The following IL1RAPL2 variants were observed in gnomAD, a reference collection of about 807,000 sequenced individuals.
The protein encoded by IL1RAPL2 is X-linked interleukin-1 receptor accessory protein-like 2.
In IL1RAPL2, 3 loss-of-function variants were observed where a neutral mutation model predicts 44.1. The ratio of observed to expected loss-of-function variants is 0.07; its 90% CI spans 0.03 to 0.18. The LOEUF is 0.18. IL1RAPL2 is among the 10% of genes least tolerant of loss of function. The pLI is 1.00. For missense variants in IL1RAPL2, 391 were observed against 496.4 expected, an observed-to-expected ratio of 0.79 and a Z score of 2.02; for synonymous variants, 181 against 178.8, an observed-to-expected ratio of 1.01 and a Z score of -0.10.
chrX:104,991,448 A>T (rs907903811), intron 2 of IL1RAPL2, among the ~76,000 whole-genome samples: 4 of 111,465 alleles, frequency 3.6e-5, no homozygotes, highest in African/African-American at 1.3e-4. Flanking sequence ...AGGGGCCAGA[A>T]AGCCTTTCAA....
intron 1 of IL1RAPL2, among the ~76,000 whole-genome samples, chrX:104,636,143 G>T (rs1350695140): frequency 1.8e-5 from 2 of 111,968 alleles, no homozygotes; most frequent in African/African-American, 6.5e-5. Flanking sequence ...CAGCAGCGGA[G>T]GCTGCAGAAC....
chrX:105,647,338 C>T (rs1278789842), intron 6 of IL1RAPL2, among the ~76,000 whole-genome samples: 1 of 111,809 alleles, frequency 8.9e-6, no homozygotes, highest in African/African-American at 3.3e-5. Context: ...AGAGTGGAAA[C>T]AGAGCTCCCA....
chrX:104,962,703 G>T (rs1479543240), intron 2 of IL1RAPL2, among the ~76,000 whole-genome samples: 2 of 112,151 alleles, frequency 1.8e-5, no homozygotes, highest in Non-Finnish European at 3.8e-5. Context: ...CAACACCTCA[G>T]TGTAGGGACA....
chrX:105,564,000 A>C lies in IL1RAPL2; in HGVS notation c.772+79613A>C, dbSNP rs766884993. ...AATAAACAACAGAAATTTCTTTCTT[A>C]TAGTTCTAGAGGCTGGGAAGTCCAA... On this transcript the variant is annotated intron_variant, in intron 6 of 10. Coordinates refer to ENST00000372582, the MANE Select transcript of IL1RAPL2 (RefSeq NM_017416.2). 8.4e-4 allele frequency among the ~76,000 whole-genome samples: 94 copies of C among 111,621 alleles called. 1 individual carries two copies. The highest frequency in any genetic ancestry group is 2.7e-3 in the African/African-American group (82 of 30,793).
chrX:104,782,129 A>G (rs1367136483), intron 2 of IL1RAPL2, among the ~76,000 whole-genome samples: 1 of 111,609 alleles, frequency 9.0e-6, no homozygotes, highest in East Asian at 2.8e-4. Context: ...CTGTGTATAC[A>G]TTACCCTGTC....
At chrX:105,748,214 T>C (rs2038566065) in intron 8 of IL1RAPL2, among the ~76,000 whole-genome samples, 1 of 112,166 alleles carries the variant, frequency 8.9e-6, no homozygotes, top group African/African-American at 3.2e-5. Context: ...TATATTTTGA[T>C]TTAATTGTTC....
intron 6 of IL1RAPL2, among the ~76,000 whole-genome samples, chrX:105,660,218 G>A (rs1447520846): frequency 1.8e-5 from 2 of 110,725 alleles, no homozygotes; most frequent in African/African-American, 6.6e-5. Flanking sequence ...GGAGAGAGTG[G>A]TATGATATAT....
chrX:105,108,505 T>TC (rs1772669634), intron 2 of IL1RAPL2, among the ~76,000 whole-genome samples: 1 of 35,833 alleles, frequency 2.8e-5, no homozygotes, highest in Admixed American at 4.5e-4. Context: ...TTTTTTTTTT[T>TC]TTTTTTTTGT....
intron 2 of IL1RAPL2, among the ~76,000 whole-genome samples, chrX:104,897,611 T>C (rs912178365): frequency 2.4e-4 from 27 of 112,525 alleles, no homozygotes; most frequent in African/African-American, 8.7e-4. Context: ...ATAAAAGTTA[T>C]GCAGGATAGA....
intron 6 of IL1RAPL2, among the ~76,000 whole-genome samples, chrX:105,684,276 T>C (rs2037950391): frequency 8.9e-6 from 1 of 112,436 alleles, no homozygotes; most frequent in Admixed American, 9.4e-5. Context: ...TTCCCTTTCC[T>C]AGCCAAGGGA....
At chrX:104,683,922 T>C (rs1930934562) in intron 2 of IL1RAPL2, among the ~76,000 whole-genome samples, 1 of 112,139 alleles carries the variant, frequency 8.9e-6, no homozygotes, top group Non-Finnish European at 1.9e-5. Flanking sequence ...CTACTTTTCC[T>C]TCCCTAGACC....
intron 2 of IL1RAPL2, among the ~76,000 whole-genome samples, chrX:105,109,102 C>T (rs1261084616): frequency 8.9e-6 from 1 of 112,042 alleles, no homozygotes; most frequent in Non-Finnish European, 1.9e-5. Context: ...GCCTTGCCTC[C>T]AGGCTAGCTT....
intron 6 of IL1RAPL2, among the ~76,000 whole-genome samples, chrX:105,552,571 C>A (rs975701683): frequency 3.6e-5 from 4 of 111,880 alleles, no homozygotes; most frequent in African/African-American, 1.3e-4. Flanking sequence ...AAGCTACTTC[C>A]AGGCATGACA....
At chrX:105,248,593 A>G (rs150093885) in intron 4 of IL1RAPL2, among the ~76,000 whole-genome samples, 2,958 of 111,497 alleles carry the variant, frequency 0.027, 95 homozygotes, top group African/African-American at 0.09. Context: ...CAAACCATCA[A>G]TCGGACAAGG....
At chrX:105,561,953 G>A (rs2036941329) in intron 6 of IL1RAPL2, among the ~76,000 whole-genome samples, 1 of 111,649 alleles carries the variant, frequency 9.0e-6, no homozygotes, top group Non-Finnish European at 1.9e-5. Flanking sequence ...TAGAAAACAA[G>A]CTGACTGTGA....
intron 10 of IL1RAPL2, among the ~76,000 whole-genome samples, chrX:105,766,546 AAAG>A (rs1367036716): frequency 9.0e-6 from 1 of 111,487 alleles, no homozygotes; most frequent in African/African-American, 3.3e-5. Context: ...AAATAAAATT[AAAG>A]AAGAAAAGCA....
intron 1 of IL1RAPL2, among the ~76,000 whole-genome samples, chrX:104,599,650 G>A (rs1602637159): frequency 1.2e-5 from 1 of 86,168 alleles, no homozygotes; most frequent in African/African-American, 4.1e-5. Flanking sequence ...GATGGATTTA[G>A]CACACACACA....
At chrX:105,100,628 G>C (rs967012971) in intron 2 of IL1RAPL2, among the ~76,000 whole-genome samples, 3 of 111,900 alleles carry the variant, frequency 2.7e-5, no homozygotes, top group African/African-American at 9.8e-5. Flanking sequence ...ATCAAGAACA[G>C]GCTGTTAGTG....
intron 6 of IL1RAPL2, among the ~76,000 whole-genome samples, chrX:105,621,166 A>G (rs1314490321): frequency 1.8e-5 from 2 of 111,779 alleles, no homozygotes; most frequent in Non-Finnish European, 1.9e-5. Flanking sequence ...AGAGGTTTAT[A>G]AACATGTCAT....
Sources: allele counts gnomAD v4.1 joint callset (sites outside exome capture counted in the v4.1 genomes callset), GRCh38; gene constraint gnomAD v4.1.1; transcripts MANE v1.5; gene names NCBI Gene and HGNC (gene_info 2026-07-23, HGNC 2026-07-21).